Variants in TRIM46 observed in about 807,000 individuals in gnomAD.
The protein encoded by TRIM46 is tripartite motif-containing protein 46.
In TRIM46, 17 loss-of-function variants were observed where a neutral mutation model predicts 69.7. The ratio of observed to expected loss-of-function variants is 0.24; its 90% CI spans 0.17 to 0.37. TRIM46 has a LOEUF of 0.37. TRIM46 is among the 10% of genes least tolerant of loss of function. TRIM46 has a pLI of 1.00. For missense variants in TRIM46, 675 were observed against 1,025.1 expected, an observed-to-expected ratio of 0.66 and a Z score of 4.66; for synonymous variants, 391 against 429.0, an observed-to-expected ratio of 0.91 and a Z score of 1.09.
chr1:155,177,896 C>T, intron 5 of TRIM46, 106 bp from the exon 6 acceptor site: 2 of 1,485,484 alleles, frequency 1.3e-6, no homozygotes, highest in Non-Finnish European at 1.8e-6. Flanking sequence ...CCCCAGATCC[C>T]TTGTGACCTT....
intron 9 of TRIM46, chr1:155,182,913 G>GTT (rs71077987): frequency 0.38 from 45,291 of 120,724 alleles, 9,330 homozygotes; most frequent in East Asian, 0.73. Context: ...CCAACTCCCT[G>GTT]TTTTTTTTTT....
chr1:155,184,042 G>A lies in TRIM46; in HGVS notation c.2132G>A (p.Arg711His), dbSNP rs1252921742. Residue 711 changes from arginine (R) to histidine (H), a missense_variant, in exon 10 of 10, where the codon CGT (arginine) becomes CAT (histidine). By Grantham distance (29) the Arg-to-His change is conservative. Around this residue, in one of 5 missense-constraint regions of TRIM46, gnomAD observed 108 missense variants for 153.0 expected, o/e 0.71. Coordinates refer to ENST00000334634, the MANE Select transcript of TRIM46 (RefSeq NM_025058.5). The surrounding 1 kb of genome is among the most constrained non-coding windows in gnomAD (Gnocchi z 5.6). ...RVSFLDAVSF[R>H]GLLECPLDCS... ...TCCTTCCTGGATGCTGTTTCCTTCC[G>A]TGGGCTCTTGGAGTGCCCCCTGGAC... 4 of 1,613,984 alleles carry A rather than the reference G, an allele frequency of 2.5e-6. No homozygotes were observed. The highest frequency in any genetic ancestry group is 2.7e-5 in the African/African-American group (2 of 74,920).
Position 155,178,554 on chromosome 1 carries a change from A to T in TRIM46, c.1226A>T (p.His409Leu). The T allele has an allele frequency of 6.2e-7, 1 of 1,614,102 alleles. No individual in the cohort carries two copies. Among genetic ancestry groups the T allele is most frequent in the Non-Finnish European group, 8.5e-7 (1 of 1,180,022 alleles). The change falls in exon 7 of 10, where the codon CAT becomes CTT. Residue 409 changes from histidine (H) to leucine (L), a missense_variant. His to Leu is a moderately conservative substitution (Grantham distance 99, BLOSUM62 -3). Transcript: ENST00000334634. ...CCAGCTGCCAGCTCCTCCTTCCGCC[A>T]TTGCCAGCTCGACGTGGGACGTGAG... is the stretch of plus-strand genomic sequence containing the variant. Reference protein sequence around the residue: ...FRPAASSSFRHCQLDVGREMK... With the variant: ...FRPAASSSFRLCQLDVGREMK...
intron 7 of TRIM46, 169 bp downstream of exon 7, chr1:155,178,782 G>A (rs1172176299): frequency 3.4e-6 from 5 of 1,450,152 alleles, no homozygotes; most frequent in East Asian, 2.6e-5. Flanking sequence ...CGCGCTCAGC[G>A]CTGCTTCTCC....
Position 155,181,282 on chromosome 1 carries a change from A to G in TRIM46, c.1589-570A>G, listed in dbSNP as rs1192806253. Among the ~76,000 whole-genome samples the G allele has an allele frequency of 2.0e-5, 3 of 152,234 alleles. No homozygotes were observed. The highest frequency in any genetic ancestry group is 4.4e-5 in the Non-Finnish European group (3 of 68,038). On this transcript the variant is annotated intron_variant, in intron 8 of 9. Transcript: ENST00000334634. This position sits in a 1 kb window ranked among gnomAD's most constrained non-coding sequence, Gnocchi z 4.3. ...TTTAAAAAATGATAATGCTTACCTC[A>G]TAGAGTTGCAAGAATTCAACTGGTT...
rs1167441248 is a variant in TRIM46 at position 155,174,817 on chromosome 1, G to C, written c.64-569G>C. The C allele has an allele frequency of 4.1e-5, 59 of 1,438,280 alleles. No individual in the cohort carries two copies. In the East Asian group the frequency reaches 1.5e-3, roughly 36 times the overall value. 89.1% of individuals were successfully genotyped at this position (1,438,280 alleles called of 1,614,324 possible). Reference sequence around the variant, plus strand: ...CGGGAGAGGGCGGGAGGGCCTGATGGGGGCGAAGGGGAATGGGTTGGTAAG... The same window carrying C: ...CGGGAGAGGGCGGGAGGGCCTGATGCGGGCGAAGGGGAATGGGTTGGTAAG... On this transcript the variant is annotated intron_variant, in intron 1 of 9. Coordinates refer to ENST00000334634, the MANE Select transcript of TRIM46 (RefSeq NM_025058.5).
chr1:155,180,536 A>T, intron 8 of TRIM46: 1 of 332,388 alleles, frequency 3.0e-6, no homozygotes. Context: ...CGGAGGTTGC[A>T]GTGAGCTGAG....
At position 155,181,313 on chromosome 1, in the gene TRIM46, C is replaced by T. The variant is rs192875654; in HGVS notation, c.1589-539C>T. On this transcript the variant is annotated intron_variant, in intron 8 of 9. Coordinates refer to ENST00000334634, the MANE Select transcript of TRIM46 (RefSeq NM_025058.5). This position sits in a 1 kb window ranked among gnomAD's most constrained non-coding sequence, Gnocchi z 4.3. ...TTGCAAGAATTCAACTGGTTTGAGA[C>T]GATCAATGGGAGTCTGAGTACAGTG... Among the ~76,000 whole-genome samples, 5 of 152,258 alleles carry T rather than the reference C, an allele frequency of 3.3e-5. No individual in the cohort carries two copies. Among genetic ancestry groups the T allele is most frequent in the Non-Finnish European group, 5.9e-5 (4 of 68,044 alleles).
chr1:155,177,974 C>G (rs772070054), intron 5 of TRIM46, 28 bp from the exon 6 acceptor site: 6 of 1,604,656 alleles, frequency 3.7e-6, no homozygotes, highest in Non-Finnish European at 5.1e-6. Flanking sequence ...GTAAGTCACG[C>G]ATCCTTTGGG....
At position 155,175,190 on chromosome 1, in the gene TRIM46, G is replaced by GC; in HGVS notation, c.64-195dup. The GC allele has an allele frequency of 6.9e-7, 1 of 1,450,170 alleles. No homozygotes were observed. The highest frequency in any genetic ancestry group is 1.5e-5 in the South Asian group (1 of 65,832). 89.8% of individuals were successfully genotyped at this position (1,450,170 alleles called of 1,614,324 possible). On this transcript the variant is annotated intron_variant, in intron 1 of 9. Coordinates refer to ENST00000334634, the MANE Select transcript of TRIM46 (RefSeq NM_025058.5). This position sits in a 1 kb window ranked among gnomAD's most constrained non-coding sequence, Gnocchi z 4.2. ...GTCCCTCCTCTGGGCCTTTAGCTCT[G>GC]CAGCGGGGAAAGAGAAGCAAGGGAC... is the stretch of plus-strand genomic sequence containing the variant.
Position 155,175,976 on chromosome 1 carries a change from G to A in TRIM46, c.414G>A (p.Glu138=), listed in dbSNP as rs767012497. 2.5e-6 allele frequency: 4 copies of A among 1,613,318 alleles called. No homozygotes were observed. The South Asian group carries it at 4.4e-5, about 18-fold the overall frequency. Residue 138 remains glutamate (E), a synonymous_variant, in exon 3 of 10, where the codon GAG becomes GAA. Transcript: ENST00000334634. The surrounding 1 kb of genome is among the most constrained non-coding windows in gnomAD (Gnocchi z 4.2). ...GCCCAGCCTGCCAAGGTGATGTGGA[G>A]CTTGGGGAGCGGGGTCTGGCAGGGC... ...FPCPACQGDV[E]LGERGLAGLF... is the part of the protein sequence containing the mutation.
In TRIM46 at chr1:155,174,957, G is replaced by A. The variant is rs1665517069; in HGVS notation, c.64-429G>A. On this transcript the variant is annotated intron_variant, in intron 1 of 9. Transcript: ENST00000334634. ...GAGTGCCAACCTCGCCTGGCTATCG[G>A]GAGGAATCACGGCATGGGGGTGCTG... is the stretch of plus-strand genomic sequence containing the variant. The A allele has an allele frequency of 5.8e-6, 8 of 1,389,296 alleles. No homozygotes were observed. In the South Asian group the frequency reaches 1.3e-4, roughly 23 times the overall value. The allele number at this position is 1,389,296 out of a possible 1,614,324, so 86.1% of individuals were successfully genotyped here.
At chr1:155,177,323 C>T in intron 5 of TRIM46, 33 bp downstream of exon 5, 1 of 1,586,166 alleles carries the variant, frequency 6.3e-7, no homozygotes, top group Non-Finnish European at 8.7e-7. Context: ...GCCCTGGGCC[C>T]TGCCTGGGAG....
intron 7 of TRIM46, among the ~76,000 whole-genome samples, chr1:155,179,285 T>G (rs1665955391): frequency 6.6e-6 from 1 of 152,160 alleles, no homozygotes; most frequent in Admixed American, 6.5e-5. Flanking sequence ...ATAACTGAGC[T>G]GCAAGGGCCC....
intron 7 of TRIM46, among the ~76,000 whole-genome samples, chr1:155,179,092 C>T (rs1481135030): frequency 6.6e-6 from 1 of 152,228 alleles, no homozygotes; most frequent in Non-Finnish European, 1.5e-5. Flanking sequence ...CACTTCCTTT[C>T]CCTTGACCTC....
Position 155,176,000 on chromosome 1 carries a change from G to A in TRIM46, c.438G>A (p.Gly146=). 6.2e-7 allele frequency: 1 copy of A among 1,613,950 alleles called. No homozygotes were observed. Among genetic ancestry groups the A allele is most frequent in the Non-Finnish European group, 8.5e-7 (1 of 1,179,834 alleles). ...AGCTTGGGGAGCGGGGTCTGGCAGG[G>A]CTTTTCCGGAACCTGACCCTGGAGC... The part of the protein sequence containing the change: ...DVELGERGLA[G]LFRNLTLERV... The change falls in exon 3 of 10, where the codon GGG becomes GGA. Residue 146 remains glycine (G), a synonymous_variant. Coordinates refer to ENST00000334634, the MANE Select transcript of TRIM46 (RefSeq NM_025058.5). This position sits in a 1 kb window ranked among gnomAD's most constrained non-coding sequence, Gnocchi z 4.2.
chr1:155,178,830 G>A (rs1227649661), intron 7 of TRIM46: 1 of 1,461,044 alleles, frequency 6.8e-7, no homozygotes, highest in South Asian at 1.2e-5. Context: ...CGCGGACTCT[G>A]CTCCGGAGCA....
Position 155,179,843 on chromosome 1 carries a change from C to G in TRIM46, c.1497C>G (p.Gly499=). 6.8e-6 allele frequency: 11 copies of G among 1,613,624 alleles called. No individual in the cohort carries two copies. The highest frequency in any genetic ancestry group is 1.3e-5 in the African/African-American group (1 of 75,072). The change falls in exon 8 of 10, where the codon GGC becomes GGG. Residue 499 remains glycine (G), a synonymous_variant. Transcript: ENST00000334634. Reference sequence around the variant, plus strand: ...CCCTGCTTGAGAACCCCGACACGGGCTCTGTGTATGTGCTGCGTGTCCGCG... The same window carrying G: ...CCCTGCTTGAGAACCCCGACACGGGGTCTGTGTATGTGCTGCGTGTCCGCG... The part of the protein sequence containing the change: ...TSALLENPDT[G]SVYVLRVRGC...
Position 155,173,944 on chromosome 1 carries a change from G to T in TRIM46, c.-23G>T, listed in dbSNP as rs761336514. Reference sequence around the variant, plus strand: ...GCCGCAGCCGGGATCGGGCACCCAGGGGCGGGCGGGCACGGTAGGGCCATG... The same window carrying T: ...GCCGCAGCCGGGATCGGGCACCCAGTGGCGGGCGGGCACGGTAGGGCCATG... On this transcript the variant is annotated 5_prime_UTR_variant, in exon 1 of 10. Transcript: ENST00000334634. The T allele has an allele frequency of 1.5e-5, 24 of 1,569,480 alleles. No individual in the cohort carries two copies. In the East Asian group the frequency reaches 5.4e-4, roughly 36 times the overall value.
Sources: gnomAD v4.1 joint callset for allele counts (sites outside exome capture counted in the v4.1 genomes callset) on GRCh38, gnomAD v4.1.1 for gene constraint, gnomAD v4.1.1 regional missense constraint, Gnocchi (gnomAD v3.1) non-coding constraint, MANE v1.5 for transcripts, NCBI Gene and HGNC (gene_info 2026-07-23, HGNC 2026-07-21) for gene names.